EPHB2: variants seen among roughly 807,000 people sequenced by gnomAD.
EPHB2 encodes the protein EPH receptor B2.
EPHB2 carries 18 observed loss-of-function variants against 96.4 expected under a neutral mutation model. The ratio of observed to expected loss-of-function variants is 0.19; its 90% CI spans 0.13 to 0.28. The LOEUF is 0.28. Among genes scored for constraint, EPHB2 ranks in the 10% least tolerant of loss-of-function variants. The pLI, the probability that EPHB2 is intolerant of heterozygous loss-of-function variation, is 1.00. For synonymous variants in EPHB2, 506 were observed against 534.1 expected (o/e 0.95, Z 0.72); for missense variants, 989 against 1,355.4 (o/e 0.73, Z 4.25).
intron 3 of EPHB2, among the ~76,000 whole-genome samples, chr1:22,791,990 T>G (rs1644700171): frequency 6.6e-6 from 1 of 152,184 alleles, no homozygotes; most frequent in Admixed American, 6.5e-5. Flanking sequence ...GCCTGTTTGC[T>G]GGCATGCTCT....
intron 5 of EPHB2, among the ~76,000 whole-genome samples, chr1:22,865,930 C>G (rs1039915009): frequency 2.6e-5 from 4 of 152,170 alleles, no homozygotes; most frequent in Non-Finnish European, 1.5e-5. Context: ...CTCCACCCCC[C>G]ACCCTTCTTT....
intron 3 of EPHB2, among the ~76,000 whole-genome samples, chr1:22,815,279 G>A (rs529168959): frequency 2.6e-5 from 4 of 152,178 alleles, no homozygotes; most frequent in African/African-American, 9.6e-5. Flanking sequence ...GTTGTGGGGG[G>A]TACAGGAGGC....
At chr1:22,795,508 T>C (rs1296325219) in intron 3 of EPHB2, among the ~76,000 whole-genome samples, 1 of 152,034 alleles carries the variant, frequency 6.6e-6, no homozygotes, top group African/African-American at 2.4e-5. Context: ...CCCCATAGCT[T>C]GGTGGGAGAA....
intron 3 of EPHB2, among the ~76,000 whole-genome samples, chr1:22,851,179 G>T (rs1445597278): frequency 6.6e-6 from 1 of 152,070 alleles, no homozygotes; most frequent in Non-Finnish European, 1.5e-5. Context: ...AAATTTTTTT[G>T]TAGAGTCAAG....
intron 1 of EPHB2, among the ~76,000 whole-genome samples, chr1:22,765,557 A>AAC (rs1444633429): frequency 4.6e-5 from 7 of 150,778 alleles, no homozygotes; most frequent in Admixed American, 4.0e-4. Context: ...AAAAAAAAAA[A>AAC]AAAAAACATT....
rs118173494 is a variant in EPHB2 at position 22,724,913 on chromosome 1, T to C, written c.61+13870T>C. ...TCATGTTGCTCCTCCCTCTCCTCCT[T>C]GCCTGGGTACCCTTTTCACCATCTC... On this transcript the variant is annotated intron_variant, in intron 1 of 15. Coordinates refer to ENST00000374630, the MANE Select transcript of EPHB2 (RefSeq NM_017449.5). Among the ~76,000 whole-genome samples, 47 of 152,250 alleles carry C rather than the reference T, an allele frequency of 3.1e-4. No individual in the cohort carries two copies. In the East Asian group the frequency reaches 8.3e-3, roughly 27 times the overall value.
At chr1:22,907,402 C>G (rs75697875) in intron 11 of EPHB2, among the ~76,000 whole-genome samples, 5,657 of 152,250 alleles carry the variant, frequency 0.037, 130 homozygotes, top group Non-Finnish European at 0.056. Flanking sequence ...TTGGAGTTCT[C>G]CAAAGCTCTA....
At chr1:22,912,212 C>T (rs1387733369) in intron 14 of EPHB2, among the ~76,000 whole-genome samples, 1 of 152,188 alleles carries the variant, frequency 6.6e-6, no homozygotes, top group Non-Finnish European at 1.5e-5. Context: ...GCTTTGAGTT[C>T]TGCACACACA....
intron 1 of EPHB2, among the ~76,000 whole-genome samples, chr1:22,775,546 G>GC (rs1201081560): frequency 1.3e-5 from 2 of 152,204 alleles, no homozygotes; most frequent in African/African-American, 4.8e-5. Flanking sequence ...GAGCAGGCAG[G>GC]CCCCCTGCAG....
chr1:22,884,829 C>T (rs189022273), intron 6 of EPHB2, among the ~76,000 whole-genome samples: 30 of 152,296 alleles, frequency 2.0e-4, no homozygotes, highest in Middle Eastern at 3.4e-3. Context: ...CGCCCCATTT[C>T]ATCTTCTCCT....
intron 1 of EPHB2, among the ~76,000 whole-genome samples, chr1:22,775,485 C>G (rs56382317): frequency 4.6e-5 from 7 of 152,376 alleles, no homozygotes; most frequent in Non-Finnish European, 1.0e-4. Flanking sequence ...TCAGACAGAG[C>G]TGGCTAGGGG....
intron 1 of EPHB2, among the ~76,000 whole-genome samples, chr1:22,761,644 T>C (rs1440020916): frequency 6.6e-6 from 1 of 152,190 alleles, no homozygotes; most frequent in African/African-American, 2.4e-5. Context: ...GATAATTCCC[T>C]AGAGCTAACA....
Position 22,846,440 on chromosome 1 carries a change from AAG to A in EPHB2, c.812-16595_812-16594del, listed in dbSNP as rs1228051530. On this transcript the variant is annotated intron_variant, in intron 3 of 15. Coordinates refer to ENST00000374630, the MANE Select transcript of EPHB2 (RefSeq NM_017449.5). This position sits in a 1 kb window ranked among gnomAD's most constrained non-coding sequence, Gnocchi z 4.3. ...CTGTCTCAAAAAAAAAAAAAAAGAA[AAG>A]AAAGTCCTAGGTCAGGGACCGGGCA... 2.0e-5 allele frequency among the ~76,000 whole-genome samples: 3 copies of A among 149,920 alleles called. No homozygotes were observed. The highest frequency in any genetic ancestry group is 4.4e-5 in the Non-Finnish European group (3 of 67,770).
intron 5 of EPHB2, among the ~76,000 whole-genome samples, chr1:22,877,404 G>C (rs1570425911): frequency 6.6e-6 from 1 of 152,300 alleles, no homozygotes; most frequent in East Asian, 1.9e-4. Flanking sequence ...TGGGCACCAT[G>C]GGGCATACGG....
chr1:22,870,742 C>G (rs556794797), intron 5 of EPHB2, among the ~76,000 whole-genome samples: 2 of 152,320 alleles, frequency 1.3e-5, no homozygotes, highest in Non-Finnish European at 2.9e-5. Flanking sequence ...AGAACACCCC[C>G]ACCTCTGCCA....
chr1:22,865,291 T>G, intron 5 of EPHB2, 79 bp downstream of exon 5: 2 of 1,501,546 alleles, frequency 1.3e-6, no homozygotes, highest in Non-Finnish European at 1.9e-6. Flanking sequence ...CACAAAAGAC[T>G]CCTTCACATC....
intron 1 of EPHB2, among the ~76,000 whole-genome samples, chr1:22,761,127 T>TG (rs1452806556): frequency 6.6e-6 from 1 of 152,150 alleles, no homozygotes; most frequent in East Asian, 1.9e-4. Context: ...CCTGCCCCCA[T>TG]GATTCTCTTC....
Position 22,711,039 on chromosome 1 carries a change from G to A in EPHB2, c.57G>A (p.Val19=), listed in dbSNP as rs765152124. ...TGCTGCTGCCGCTGCTCGCCGCCGT[G>A]GAAGGTGAGCGAGCGGGCGGGCGGG... is the stretch of plus-strand genomic sequence containing the variant. ...ALLLLPLLAA[V]EETLMDSTTA... Residue 19 remains valine (V), a synonymous_variant, in exon 1 of 16, where the codon GTG becomes GTA. Coordinates refer to ENST00000374630, the MANE Select transcript of EPHB2 (RefSeq NM_017449.5). The A allele has an allele frequency of 6.7e-5, 10 of 149,054 alleles. No individual in the cohort carries two copies. The South Asian group carries it at 1.1e-3, about 16-fold the overall frequency. The allele number at this position is 149,054 out of a possible 1,614,324, so 9.2% of individuals were successfully genotyped here. A position where few individuals can be genotyped will look rare whatever the true frequency, so the allele number is the denominator to read the frequency against.
chr1:22,870,318 C>T (rs766795658), intron 5 of EPHB2, among the ~76,000 whole-genome samples: 12 of 152,052 alleles, frequency 7.9e-5, no homozygotes, highest in Non-Finnish European at 1.5e-4. Flanking sequence ...CTCATGGCCC[C>T]GAGGAAGGAG....
Sources: gnomAD v4.1 joint callset for allele counts (sites outside exome capture counted in the v4.1 genomes callset) on GRCh38, gnomAD v4.1.1 for gene constraint, Gnocchi (gnomAD v3.1) non-coding constraint, MANE v1.5 for transcripts, NCBI Gene and HGNC (gene_info 2026-07-23, HGNC 2026-07-21) for gene names.